Variants in ERGIC2 observed in about 807,000 individuals in gnomAD.
ERGIC2 encodes endoplasmic reticulum-Golgi intermediate compartment protein 2.
A neutral mutation model predicts 52.5 loss-of-function variants in ERGIC2; 31 were observed. That is an observed-to-expected ratio of 0.59 (90% CI 0.44 to 0.80). The LOEUF (loss-of-function observed/expected upper bound fraction) is 0.80. ERGIC2 is among the 30% of genes least tolerant of loss of function. ERGIC2 has a pLI of 0.00. For synonymous variants in ERGIC2, 129 were observed against 140.6 expected, an observed-to-expected ratio of 0.92 and a Z score of 0.58; for missense variants, 395 against 455.2, an observed-to-expected ratio of 0.87 and a Z score of 1.20.
chr12:29,364,001 T>C (rs1177605185), intron 5 of ERGIC2, among the ~76,000 whole-genome samples: 4 of 152,160 alleles, frequency 2.6e-5, no homozygotes, highest in South Asian at 2.1e-4. Flanking sequence ...TTTATTATCA[T>C]CTTAAATCAT....
intron 1 of ERGIC2, among the ~76,000 whole-genome samples, chr12:29,377,614 G>C (rs1475299331): frequency 6.6e-6 from 1 of 152,178 alleles, no homozygotes; most frequent in African/African-American, 2.4e-5. Context: ...ATCTGCAACT[G>C]GTTGAGTCCA....
intron 5 of ERGIC2, 26 bp from the exon 6 acceptor site, chr12:29,361,711 T>C (rs1940289361): frequency 1.9e-6 from 3 of 1,579,188 alleles, no homozygotes; most frequent in Admixed American, 1.8e-5. Flanking sequence ...ACATAATCAC[T>C]AGCATTGTCA....
chr12:29,350,748 A>C (rs1399434878), intron 8 of ERGIC2, among the ~76,000 whole-genome samples: 1 of 152,092 alleles, frequency 6.6e-6, no homozygotes. Context: ...ATTTGCATCA[A>C]TGTCTGAAGT....
intron 3 of ERGIC2, among the ~76,000 whole-genome samples, chr12:29,368,985 G>A (rs951907461): frequency 4.6e-5 from 7 of 151,872 alleles, no homozygotes; most frequent in Non-Finnish European, 7.4e-5. Context: ...GAAGCATTGC[G>A]AATAATAGAC....
At chr12:29,366,203 A>C (rs1940360241) in intron 5 of ERGIC2, among the ~76,000 whole-genome samples, 1 of 151,990 alleles carries the variant, frequency 6.6e-6, no homozygotes, top group Admixed American at 6.6e-5. Context: ...TTAGCTGCTG[A>C]GGGCCTCATG....
rs575199233 is a variant in ERGIC2, at chr12:29,377,069, G to A, written c.-38+4046C>T. On this transcript the variant is annotated intron_variant, in intron 1 of 13. Coordinates refer to ENST00000360150, the MANE Select transcript of ERGIC2 (RefSeq NM_016570.3). ...ACCCAGCCCTTTTCCCTGTCCACAC[G>A]GCCCGCCCCTCTCAAATAGATATAC... is the stretch of plus-strand genomic sequence containing the variant. Among the ~76,000 whole-genome samples, 153 of 151,958 alleles carry A rather than the reference G, an allele frequency of 1.0e-3. 1 individual carries two copies. The highest frequency in any genetic ancestry group is 1.9e-3 in the Non-Finnish European group (132 of 67,966).
At chr12:29,360,717 A>G (rs1204492990) in intron 6 of ERGIC2, among the ~76,000 whole-genome samples, 2 of 150,778 alleles carry the variant, frequency 1.3e-5, no homozygotes, top group Admixed American at 1.3e-4. Flanking sequence ...ATGTCTGTCT[A>G]GAAGGCTACC....
intron 9 of ERGIC2, 86 bp from the exon 10 acceptor site, chr12:29,349,263 A>G (rs1179388616): frequency 5.8e-6 from 3 of 519,544 alleles, no homozygotes; most frequent in Non-Finnish European, 1.0e-5. Context: ...ATCCTTATCT[A>G]TTCTCAAATG....
intron 10 of ERGIC2, among the ~76,000 whole-genome samples, chr12:29,347,208 T>C (rs1277479830): frequency 6.6e-6 from 1 of 152,204 alleles, no homozygotes; most frequent in Non-Finnish European, 1.5e-5. Flanking sequence ...CTCAATTAGA[T>C]AGTATAGGCA....
chr12:29,372,905 C>T (rs1023063604), intron 1 of ERGIC2: 1 of 151,978 alleles, frequency 6.6e-6, no homozygotes, highest in Non-Finnish European at 1.5e-5. Flanking sequence ...CTTCCACCCA[C>T]CTCGGCCTCT....
At chr12:29,365,182 A>G (rs977830007) in intron 5 of ERGIC2, among the ~76,000 whole-genome samples, 5 of 152,172 alleles carry the variant, frequency 3.3e-5, no homozygotes, top group African/African-American at 1.2e-4. Context: ...ACCATTCACA[A>G]TAGCGAATAC....
intron 3 of ERGIC2, 70 bp downstream of exon 3, chr12:29,370,044 T>A: frequency 7.5e-7 from 1 of 1,328,878 alleles, no homozygotes; most frequent in African/African-American, 1.5e-5. Context: ...ACTTTTTCTT[T>A]TTTAAAAGGT....
At chr12:29,356,598 TAAAAA>T in intron 7 of ERGIC2, 121 bp from the exon 8 acceptor site, 1 of 529,550 alleles carries the variant, frequency 1.9e-6, no homozygotes, top group Admixed American at 3.3e-5. Context: ...TTCTAAATGT[TAAAAA>T]TAGAATAGTT....
chr12:29,360,117 C>T (rs1940262656), intron 6 of ERGIC2, among the ~76,000 whole-genome samples: 1 of 151,992 alleles, frequency 6.6e-6, no homozygotes, highest in Admixed American at 6.6e-5. Flanking sequence ...TGAGGTTGTA[C>T]AGAAACAAGT....
At chr12:29,378,899 C>G (rs1450682399) in intron 1 of ERGIC2, among the ~76,000 whole-genome samples, 1 of 152,066 alleles carries the variant, frequency 6.6e-6, no homozygotes, top group Non-Finnish European at 1.5e-5. Context: ...ATGGCTACCT[C>G]ACAGTGTTAA....
At chr12:29,353,165 A>C (rs1940156195) in intron 8 of ERGIC2, among the ~76,000 whole-genome samples, 1 of 152,222 alleles carries the variant, frequency 6.6e-6, no homozygotes, top group Non-Finnish European at 1.5e-5. Flanking sequence ...ATTAACTGAC[A>C]TTCAACATAA....
rs1949841902 is a variant in ERGIC2 at position 29,341,752 on chromosome 12, G to A, written c.1053C>T (p.Ser351=). The change falls in exon 13 of 14, where the codon TCC becomes TCT. Residue 351 remains serine (S), a synonymous_variant. Transcript: ENST00000360150. The stretch of plus-strand genomic sequence containing the variant: ...CACTTACAGAATTGACAGGTTTATA[G>A]GATCCAAGTCTGAAACGACAGCAAA... The part of the protein sequence containing the change: ...EIICCRFRLG[S]YKPVNSVPFE... 4 of 1,591,284 alleles carry A rather than the reference G, an allele frequency of 2.5e-6. No homozygotes were observed. The highest frequency in any genetic ancestry group is 1.7e-5 in the Admixed American group (1 of 59,930).
intron 10 of ERGIC2, among the ~76,000 whole-genome samples, chr12:29,345,874 G>A (rs1940041699): frequency 6.6e-6 from 1 of 152,042 alleles, no homozygotes; most frequent in African/African-American, 2.4e-5. Flanking sequence ...ATGAGCCCAG[G>A]AAGTCAAGGC....
At chr12:29,379,888 A>G (rs955241079) in intron 1 of ERGIC2, among the ~76,000 whole-genome samples, 2 of 152,162 alleles carry the variant, frequency 1.3e-5, no homozygotes, top group African/African-American at 2.4e-5. Flanking sequence ...TAAATCATCA[A>G]TCCCCAAAGA....
Sources: allele counts gnomAD v4.1 joint callset (sites outside exome capture counted in the v4.1 genomes callset), GRCh38; gene constraint gnomAD v4.1.1; transcripts MANE v1.5; gene names NCBI Gene and HGNC (gene_info 2026-07-23, HGNC 2026-07-21).